Variants in DPF3 observed in about 807,000 individuals in gnomAD.
DPF3 encodes double PHD fingers 3, also known as zinc finger protein DPF3.
In DPF3, 18 loss-of-function variants were observed where a neutral mutation model predicts 56.8. The ratio of observed to expected loss-of-function variants is 0.32; its 90% CI spans 0.22 to 0.47. The LOEUF (loss-of-function observed/expected upper bound fraction) is 0.47, where lower values mean the gene tolerates loss of function less well. Ranked by LOEUF, DPF3 falls within the 20% of genes least tolerant of loss-of-function variation. The pLI, the probability that DPF3 is intolerant of heterozygous loss-of-function variation, is 1.00. For missense variants in DPF3, 403 were observed against 488.8 expected, an observed-to-expected ratio of 0.82 and a Z score of 1.65; for synonymous variants, 188 against 180.2, an observed-to-expected ratio of 1.04 and a Z score of -0.35.
intron 2 of DPF3, among the ~76,000 whole-genome samples, chr14:72,754,111 T>A (rs1890692105): frequency 6.6e-6 from 1 of 151,950 alleles, no homozygotes; most frequent in Non-Finnish European, 1.5e-5. Context: ...CCAAGCACCA[T>A]GAGGAGCCTT....
intron 1 of DPF3, among the ~76,000 whole-genome samples, chr14:72,882,958 C>T (rs1223935797): frequency 2.0e-5 from 3 of 152,100 alleles, no homozygotes; most frequent in African/African-American, 7.2e-5. Context: ...GGAAGCTCCT[C>T]GATGTAGGGA....
At chr14:72,647,180 A>G (rs904159632) in intron 8 of DPF3, among the ~76,000 whole-genome samples, 1 of 152,142 alleles carries the variant, frequency 6.6e-6, no homozygotes, top group African/African-American at 2.4e-5. Flanking sequence ...CTGCTTTGTT[A>G]AGCTGGAAAA....
At chr14:72,663,112 A>G (rs1377) in intron 8 of DPF3, among the ~76,000 whole-genome samples, 3,670 of 144,176 alleles carry the variant, frequency 0.025, 79 homozygotes, top group South Asian at 0.054. Flanking sequence ...GGCAGAGAGA[A>G]CACAGCTGGA....
At chr14:72,884,872 G>A (rs1159714538) in intron 1 of DPF3, among the ~76,000 whole-genome samples, 3 of 143,550 alleles carry the variant, frequency 2.1e-5, no homozygotes, top group Admixed American at 7.1e-5. Context: ...CGAGGCGGGC[G>A]GATCACGAGG....
chr14:72,880,125 T>C (rs1456063816), intron 1 of DPF3, among the ~76,000 whole-genome samples: 2 of 152,208 alleles, frequency 1.3e-5, no homozygotes, highest in African/African-American at 4.8e-5. Context: ...CATTCCAGTA[T>C]AAGCAGATGG....
intron 9 of DPF3, among the ~76,000 whole-genome samples, chr14:72,624,333 CT>C (rs55820708): frequency 0.36 from 34,986 of 96,344 alleles, 4,679 homozygotes; most frequent in East Asian, 0.54. Flanking sequence ...ACCTATGTCT[CT>C]TTTTTTTTTT....
chr14:72,691,848 A>G lies in DPF3; in HGVS notation c.742+1228T>C, dbSNP rs916194631. Among the ~76,000 whole-genome samples the G allele has an allele frequency of 2.6e-5, 4 of 151,988 alleles. No individual in the cohort carries two copies. The East Asian group carries it at 7.7e-4, about 29-fold the overall frequency. ...CAGCATCTGCAAGTCAAGGAGAGGA[A>G]ACCAACCCTGCCAGCACCGTGACCT... On this transcript the variant is annotated intron_variant, in intron 7 of 10. Coordinates refer to ENST00000556509, the MANE Select transcript of DPF3 (RefSeq NM_001280542.3).
intron 3 of DPF3, among the ~76,000 whole-genome samples, chr14:72,740,856 T>C (rs1294943777): frequency 1.3e-5 from 2 of 152,034 alleles, no homozygotes; most frequent in East Asian, 1.9e-4. Flanking sequence ...CTGGTAAAGG[T>C]GGGTCCCACG....
chr14:72,622,362 T>G, intron 9 of DPF3, among the ~76,000 whole-genome samples: 1 of 152,006 alleles, frequency 6.6e-6, no homozygotes, highest in East Asian at 1.9e-4. Context: ...CACACTGTAG[T>G]TTACGCCAAA....
At chr14:72,625,760 A>G (rs1205452962) in intron 9 of DPF3, among the ~76,000 whole-genome samples, 2 of 152,224 alleles carry the variant, frequency 1.3e-5, no homozygotes, top group Non-Finnish European at 2.9e-5. Flanking sequence ...AACACATTGT[A>G]TGTAAAATCA....
chr14:72,810,626 C>T (rs988028510), intron 1 of DPF3, among the ~76,000 whole-genome samples: 4 of 151,852 alleles, frequency 2.6e-5, no homozygotes, highest in Admixed American at 6.6e-5. Context: ...CTCTAAGAAA[C>T]AAAGATCTGC....
chr14:72,765,259 G>T (rs924022889), intron 2 of DPF3, among the ~76,000 whole-genome samples: 1 of 152,154 alleles, frequency 6.6e-6, no homozygotes, highest in African/African-American at 2.4e-5. Context: ...CCAAGTGTTG[G>T]CAAGGATACA....
At chr14:72,671,449 T>G in intron 8 of DPF3, 2 of 1,419,352 alleles carry the variant, frequency 1.4e-6, no homozygotes, top group Non-Finnish European at 2.0e-6. Flanking sequence ...ATAAAACCAT[T>G]TGCACACCAA....
At chr14:72,655,769 C>T (rs928412732) in intron 8 of DPF3, among the ~76,000 whole-genome samples, 2 of 152,128 alleles carry the variant, frequency 1.3e-5, no homozygotes, top group Admixed American at 6.5e-5. Flanking sequence ...AATACATATC[C>T]GTGAAACTAA....
rs5809597 is a variant in DPF3 at position 72,883,926 on chromosome 14, C to CAA, written c.32+10129_32+10130dup. On this transcript the variant is annotated intron_variant, in intron 1 of 10. Coordinates refer to ENST00000556509, the MANE Select transcript of DPF3 (RefSeq NM_001280542.3). ...TAGGCGACAGAGTGAGACTCTGTCT[C>CAA]AAAAAAAAAAAAAAAAGAAAAAGAA... 4.4e-3 allele frequency among the ~76,000 whole-genome samples: 538 copies of CAA among 121,462 alleles called. 13 individuals carry two copies. The highest frequency in any genetic ancestry group is 0.029 in the Middle Eastern group (7 of 242). The allele number at this position is 121,462 out of a possible 152,430, so 79.7% of individuals were successfully genotyped here. A position where few individuals can be genotyped will look rare whatever the true frequency, so the allele number is the denominator to read the frequency against.
At chr14:72,871,223 C>T (rs936253582) in intron 1 of DPF3, among the ~76,000 whole-genome samples, 13 of 152,308 alleles carry the variant, frequency 8.5e-5, no homozygotes, top group African/African-American at 2.6e-4. Context: ...TTGAGATTTA[C>T]GTGGGGACAC....
intron 8 of DPF3, among the ~76,000 whole-genome samples, chr14:72,640,468 A>C (rs1303403056): frequency 6.6e-6 from 1 of 152,186 alleles, no homozygotes; most frequent in East Asian, 1.9e-4. Flanking sequence ...GATGCTGAGC[A>C]ATGGAAAACA....
chr14:72,746,991 T>C (rs1890353765), intron 3 of DPF3, among the ~76,000 whole-genome samples: 1 of 152,184 alleles, frequency 6.6e-6, no homozygotes, highest in African/African-American at 2.4e-5. Context: ...GCATAAACAC[T>C]GGCAGGCCCG....
chr14:72,855,019 G>A lies in DPF3; in HGVS notation c.32+39038C>T, dbSNP rs566189441. On this transcript the variant is annotated intron_variant, in intron 1 of 10. Transcript: ENST00000556509. The stretch of plus-strand genomic sequence containing the variant: ...TATTAATAAGACTTGTGCAGTCCCC[G>A]GATGATCAGAGCCCAGACTACATAG... 3.9e-5 allele frequency among the ~76,000 whole-genome samples: 6 copies of A among 152,234 alleles called. No homozygotes were observed. In the South Asian group the frequency reaches 6.2e-4, roughly 16 times the overall value.
Sources: allele counts gnomAD v4.1 joint callset (sites outside exome capture counted in the v4.1 genomes callset), GRCh38; gene constraint gnomAD v4.1.1; transcripts MANE v1.5; gene names NCBI Gene and HGNC (gene_info 2026-07-23, HGNC 2026-07-21).